NEK1: variants seen among roughly 807,000 people sequenced by gnomAD.
NEK1 encodes serine/threonine-protein kinase Nek1.
In NEK1, 137 loss-of-function variants were observed where a neutral mutation model predicts 182.1. The ratio of observed to expected loss-of-function variants is 0.75; its 90% CI spans 0.65 to 0.87. The LOEUF is 0.87. Among genes scored for constraint, NEK1 ranks in the 40% least tolerant of loss-of-function variants. NEK1 has a pLI of 0.00. For synonymous variants in NEK1, 513 were observed against 492.2 expected (o/e 1.04, Z -0.56); for missense variants, 1,391 against 1,494.4 (o/e 0.93, Z 1.14).
intron 12 of NEK1, among the ~76,000 whole-genome samples, chr4:169,575,626 G>C (rs1765563524): frequency 6.6e-6 from 1 of 152,208 alleles, no homozygotes; most frequent in Non-Finnish European, 1.5e-5. Context: ...AGGCTTCCCA[G>C]TGAGTTCAAC....
intron 18 of NEK1, among the ~76,000 whole-genome samples, chr4:169,547,188 G>A (rs908275665): frequency 1.3e-5 from 2 of 152,174 alleles, no homozygotes; most frequent in African/African-American, 4.8e-5. Context: ...AGATCTCCCA[G>A]CATTTTCTTT....
At chr4:169,471,645 T>G (rs1384143995) in intron 26 of NEK1, among the ~76,000 whole-genome samples, 1 of 152,182 alleles carries the variant, frequency 6.6e-6, no homozygotes, top group African/African-American at 2.4e-5. Context: ...TAGCAGATCT[T>G]GAGCGCTGTG....
intron 23 of NEK1, among the ~76,000 whole-genome samples, chr4:169,481,240 T>G (rs1202457484): frequency 6.6e-6 from 1 of 152,192 alleles, no homozygotes; most frequent in Admixed American, 6.5e-5. Context: ...TGGAGTCAAC[T>G]TCTTCCAAAC....
At chr4:169,454,094 T>G (rs1381957109) in intron 27 of NEK1, among the ~76,000 whole-genome samples, 1 of 152,168 alleles carries the variant, frequency 6.6e-6, no homozygotes, top group Non-Finnish European at 1.5e-5. Context: ...ATTCCCTATT[T>G]AATAAATGGT....
At chr4:169,441,107 A>T (rs114048308) in intron 27 of NEK1, among the ~76,000 whole-genome samples, 1,642 of 152,308 alleles carry the variant, frequency 0.011, 28 homozygotes, top group African/African-American at 0.037. Context: ...CACCACAGGA[A>T]ATGGGTGGTG....
chr4:169,450,197 G>A (rs1489418034), intron 27 of NEK1, among the ~76,000 whole-genome samples: 1 of 152,160 alleles, frequency 6.6e-6, no homozygotes, highest in Non-Finnish European at 1.5e-5. Flanking sequence ...CCAAATCTAC[G>A]TCTGATTGGT....
At chr4:169,573,244 G>T (rs1765156881) in intron 12 of NEK1, among the ~76,000 whole-genome samples, 1 of 152,164 alleles carries the variant, frequency 6.6e-6, no homozygotes, top group Admixed American at 6.5e-5. Flanking sequence ...AAGTAATTGT[G>T]GGAAAGTTTT....
intron 12 of NEK1, among the ~76,000 whole-genome samples, chr4:169,567,500 A>C (rs1763909843): frequency 6.6e-6 from 1 of 152,046 alleles, no homozygotes; most frequent in African/African-American, 2.4e-5. Context: ...TCCCAGGTTC[A>C]AGTGATTCTT....
chr4:169,448,315 G>A (rs955177489), intron 27 of NEK1, among the ~76,000 whole-genome samples: 1 of 152,148 alleles, frequency 6.6e-6, no homozygotes, highest in Admixed American at 6.5e-5. Flanking sequence ...CAAAGTTAGA[G>A]TCTTTATTAG....
intron 27 of NEK1, 72 bp from the exon 28 acceptor site, chr4:169,438,331 G>A (rs1033237524): frequency 9.0e-6 from 11 of 1,219,780 alleles, no homozygotes; most frequent in Non-Finnish European, 1.2e-5. Context: ...GGCATTGGGG[G>A]CAAAGTTCAA....
At chr4:169,548,238 C>G (rs1760847642) in intron 18 of NEK1, among the ~76,000 whole-genome samples, 1 of 152,198 alleles carries the variant, frequency 6.6e-6, no homozygotes, top group African/African-American at 2.4e-5. Flanking sequence ...TGCAGGTCTG[C>G]TGGAATTTGC....
intron 27 of NEK1, among the ~76,000 whole-genome samples, chr4:169,438,889 T>G (rs1738902267): frequency 6.6e-6 from 1 of 152,190 alleles, no homozygotes; most frequent in African/African-American, 2.4e-5. Context: ...TCTCCAGCAC[T>G]CCAATGGTCA....
chr4:169,589,865 C>CA (rs1419826670), intron 6 of NEK1, among the ~76,000 whole-genome samples: 3 of 151,926 alleles, frequency 2.0e-5, no homozygotes, highest in Admixed American at 1.3e-4. Context: ...AACTTTTGTG[C>CA]ATCAAAGGAC....
chr4:169,468,668 G>A (rs1745365558), intron 26 of NEK1, among the ~76,000 whole-genome samples: 1 of 152,102 alleles, frequency 6.6e-6, no homozygotes, highest in Non-Finnish European at 1.5e-5. Flanking sequence ...TTTTTCTGTT[G>A]TTTGGAATAG....
intron 2 of NEK1, among the ~76,000 whole-genome samples, chr4:169,605,321 T>C (rs1227332466): frequency 6.6e-6 from 1 of 152,180 alleles, no homozygotes; most frequent in Non-Finnish European, 1.5e-5. Context: ...GACCTACTGA[T>C]CCTGTTAGTA....
At chr4:169,554,273 C>G (rs1471045391) in intron 18 of NEK1, 1 of 152,182 alleles carries the variant, frequency 6.6e-6, no homozygotes, top group Non-Finnish European at 1.5e-5. Flanking sequence ...AAAAAATCAG[C>G]CACACATGGT....
Position 169,555,978 on chromosome 4 carries a change from C to A in NEK1, c.1384G>T (p.Glu462Ter), listed in dbSNP as rs769826809. ...TATATTTCTCTTTTCCATTTAGCTTCATTATCTTCTGCTCTTTGTTGCTGC... is the reference window on the plus strand; with the variant it reads ...TATATTTCTCTTTTCCATTTAGCTTAATTATCTTCTGCTCTTTGTTGCTGC... ...QMQQQRAEDN[E>*]AKWKREIYGR... The change falls in exon 17 of 36, where the codon GAA becomes TAA. Residue 462 changes from glutamate to a stop codon, truncating the protein, a stop_gained. Coordinates refer to ENST00000507142, the MANE Select transcript of NEK1 (RefSeq NM_001199397.3). LOFTEE classifies it high-confidence loss of function. The A allele has an allele frequency of 3.7e-6, 6 of 1,613,756 alleles. No individual in the cohort carries two copies. Among genetic ancestry groups the A allele is most frequent in the Non-Finnish European group, 5.1e-6 (6 of 1,179,792 alleles).
At position 169,508,090 on chromosome 4, in the gene NEK1, T is replaced by G. The variant is rs66858776; in HGVS notation, c.1833+158A>C. ...GGTCTTATCAATTTAAAATCACATATATAAGATTTACTTTATGTGTAGTTT... is the reference window on the plus strand; with the variant it reads ...GGTCTTATCAATTTAAAATCACATAGATAAGATTTACTTTATGTGTAGTTT... On this transcript the variant is annotated intron_variant, in intron 21 of 35. Coordinates refer to ENST00000507142, the MANE Select transcript of NEK1 (RefSeq NM_001199397.3). 0.089 allele frequency among the ~76,000 whole-genome samples: 13,612 copies of G among 152,170 alleles called. 811 individuals are homozygous for G. Among genetic ancestry groups the G allele is most frequent in the African/African-American group, 0.17 (6,850 of 41,468 alleles).
chr4:169,555,600 G>A (rs1762046149), intron 18 of NEK1, 120 bp downstream of exon 18: 15 of 1,346,154 alleles, frequency 1.1e-5, no homozygotes, highest in Non-Finnish European at 1.6e-5. Context: ...GTACCCAAGA[G>A]GCAAAAAACA....
Sources: gnomAD v4.1 joint callset for allele counts (sites outside exome capture counted in the v4.1 genomes callset) on GRCh38, gnomAD v4.1.1 for gene constraint, MANE v1.5 for transcripts, NCBI Gene and HGNC (gene_info 2026-07-23, HGNC 2026-07-21) for gene names.